The following INSL6 variants were observed in gnomAD, a reference collection of about 807,000 sequenced individuals.
INSL6 encodes insulin like 6, also known as insulin-like peptide INSL6.
In INSL6, 16 loss-of-function variants were observed where a neutral mutation model predicts 9.4. That is an observed-to-expected ratio of 1.70 (90% CI 1.15 to 2.59). The LOEUF is 2.59. Ranked by LOEUF, INSL6 falls within the 30% of genes most tolerant of loss-of-function variation. The pLI, the probability that INSL6 is intolerant of heterozygous loss-of-function variation, is 0.00. For missense variants in INSL6, 391 were observed against 257.3 expected, an observed-to-expected ratio of 1.52 and a Z score of -3.56; for synonymous variants, 154 against 96.9, an observed-to-expected ratio of 1.59 and a Z score of -3.46.
Position 5,185,441 on chromosome 9 carries a change from A to C in INSL6, c.162T>G (p.Arg54=). The change falls in exon 1 of 2, where the codon CGT becomes CGG. Residue 54 remains arginine, a synonymous_variant. Transcript: ENST00000381641. Reference sequence around the variant, plus strand: ...GTGAGAAAGGGGTTTCCTCCTCGAAACGGAACTGGCTCCAGTTGGCATGGC... The same window carrying C: ...GTGAGAAAGGGGTTTCCTCCTCGAACCGGAACTGGCTCCAGTTGGCATGGC... ...LCGHANWSQF[R]FEEETPFSRL... is the part of the protein sequence containing the mutation. 2 of 1,614,108 alleles carry C rather than the reference A, an allele frequency of 1.2e-6. No homozygotes were observed.
the INSL6 span, among the ~76,000 whole-genome samples, chr9:5,062,947 A>C: frequency 6.6e-6 from 1 of 151,976 alleles, no homozygotes. Context: ...TATTCCCACA[A>C]TGTATGTTAG....
At chr9:5,065,464 C>T in the INSL6 span, among the ~76,000 whole-genome samples, 2 of 152,302 alleles carry the variant, frequency 1.3e-5, no homozygotes, top group East Asian at 3.9e-4. Context: ...CATTTCTAGA[C>T]TAGTGCTATG....
intron 1 of INSL6, among the ~76,000 whole-genome samples, chr9:5,169,062 G>A (rs1358565377): frequency 1.3e-5 from 2 of 152,026 alleles, no homozygotes; most frequent in Non-Finnish European, 2.9e-5. Context: ...AAGTCCCTGG[G>A]ATTAGAGGCA....
the INSL6 span, chr9:5,089,964 G>A: frequency 1.4e-6 from 1 of 701,198 alleles, no homozygotes; most frequent in Non-Finnish European, 2.1e-6. Flanking sequence ...TTATGCCAAT[G>A]CCCAGAGGGA....
the INSL6 span, among the ~76,000 whole-genome samples, chr9:5,031,265 C>T: frequency 6.6e-6 from 1 of 152,120 alleles, no homozygotes; most frequent in Non-Finnish European, 1.5e-5. Flanking sequence ...GAAGACTTAC[C>T]TGGCAATTGT....
chr9:5,108,567 C>T, the INSL6 span: 1 of 152,024 alleles, frequency 6.6e-6, no homozygotes, highest in Non-Finnish European at 1.5e-5. Flanking sequence ...TCACCTGTGA[C>T]TCCCAAAAGC....
downstream of INSL6, among the ~76,000 whole-genome samples, chr9:5,119,689 G>A (rs1043000271): frequency 1.3e-5 from 2 of 152,052 alleles, no homozygotes; most frequent in South Asian, 2.1e-4. Context: ...AATGTGTTAG[G>A]GGGAGGTATG....
chr9:5,096,846 C>G, the INSL6 span: 1 of 152,102 alleles, frequency 6.6e-6, no homozygotes, highest in Admixed American at 6.5e-5. Context: ...TGTTACCGCC[C>G]ACGAATTTGT....
chr9:5,127,748 G>T (rs1310505810), intron 3 of INSL6: 4 of 232,328 alleles, frequency 1.7e-5, no homozygotes, highest in Non-Finnish European at 3.4e-5. Flanking sequence ...AGATTAGATT[G>T]TTTTTTAAAA....
chr9:5,078,498 T>A, the INSL6 span: 19 of 1,376,648 alleles, frequency 1.4e-5, no homozygotes, highest in Non-Finnish European at 1.9e-5. Flanking sequence ...TGGGCAGTGG[T>A]GTAAAGGGCA....
At chr9:5,126,358 A>G in intron 3 of INSL6, 1 of 1,609,126 alleles carries the variant, frequency 6.2e-7, no homozygotes, top group Non-Finnish European at 8.5e-7. Context: ...ATTGGCAATG[A>G]CAAACAAGGA....
At chr9:5,090,886 G>T in the INSL6 span, 1 of 1,605,444 alleles carries the variant, frequency 6.2e-7, no homozygotes, top group Middle Eastern at 1.7e-4. Context: ...TAAAGTAAAA[G>T]AACCTGGTGA....
chr9:5,041,464 C>G, the INSL6 span: 1 of 607,468 alleles, frequency 1.6e-6, no homozygotes. Context: ...GGCAGGGGCT[C>G]AAGGCTGACA....
chr9:5,035,110 C>T, the INSL6 span, among the ~76,000 whole-genome samples: 1 of 152,178 alleles, frequency 6.6e-6, no homozygotes, highest in African/African-American at 2.4e-5. Flanking sequence ...AACACCTCTA[C>T]ATGAATAAAC....
At chr9:5,054,395 AG>A in the INSL6 span, among the ~76,000 whole-genome samples, 1 of 151,952 alleles carries the variant, frequency 6.6e-6, no homozygotes, top group Non-Finnish European at 1.5e-5. The surrounding 1 kb of genome is among the most constrained non-coding windows in gnomAD (Gnocchi z 4.9). Flanking sequence ...AAAATCTTAA[AG>A]TTTTATACTG....
chr9:5,071,952 T>C, the INSL6 span, among the ~76,000 whole-genome samples: 2 of 152,342 alleles, frequency 1.3e-5, no homozygotes, highest in African/African-American at 4.8e-5. Context: ...CTATGTGTCA[T>C]GGACTGTGCT....
chr9:5,102,189 A>G, the INSL6 span, among the ~76,000 whole-genome samples: 2 of 152,168 alleles, frequency 1.3e-5, no homozygotes, highest in African/African-American at 2.4e-5. Flanking sequence ...TGTAGAGAAG[A>G]CCTTAAATGA....
At chr9:5,006,223 T>C in the INSL6 span, among the ~76,000 whole-genome samples, 1 of 152,186 alleles carries the variant, frequency 6.6e-6, no homozygotes, top group Non-Finnish European at 1.5e-5. Flanking sequence ...CCTTGTAAGT[T>C]GGATTCCTAG....
chr9:5,101,008 G>A, the INSL6 span: 3 of 152,416 alleles, frequency 2.0e-5, no homozygotes, highest in Admixed American at 6.5e-5. Flanking sequence ...TGAGGTACCT[G>A]GTTCATCTCA....
Sources: allele counts gnomAD v4.1 joint callset (sites outside exome capture counted in the v4.1 genomes callset), GRCh38; gene constraint gnomAD v4.1.1; non-coding constraint Gnocchi (gnomAD v3.1); transcripts MANE v1.5; gene names NCBI Gene and HGNC (gene_info 2026-07-23, HGNC 2026-07-21).